BRD4: variants seen among roughly 807,000 people sequenced by gnomAD.
BRD4 encodes bromodomain containing 4, also known as bromodomain-containing protein 4.
BRD4 carries 16 observed loss-of-function variants against 142.1 expected under a neutral mutation model. The observed-to-expected ratio is 0.11, with a 90% CI of 0.08 to 0.17. BRD4 has a LOEUF of 0.17. Ranked by LOEUF, BRD4 falls within the 10% of genes least tolerant of loss-of-function variation. The pLI is 1.00. For missense variants in BRD4, 1,424 were observed against 1,810.9 expected, an observed-to-expected ratio of 0.79 and a Z score of 3.88; for synonymous variants, 833 against 707.5, an observed-to-expected ratio of 1.18 and a Z score of -2.82.
chr19:15,298,897 A>AATTTCCT (rs1568403104), intron 1 of BRD4, among the ~76,000 whole-genome samples: 2 of 152,172 alleles, frequency 1.3e-5, no homozygotes, highest in African/African-American at 2.4e-5. Flanking sequence ...AGCCCAGGAT[A>AATTTCCT]ATTTCCTAGG....
intron 1 of BRD4, among the ~76,000 whole-genome samples, chr19:15,306,431 GCTA>G (rs1324408732): frequency 3.3e-5 from 5 of 152,020 alleles, no homozygotes; most frequent in Non-Finnish European, 7.4e-5. Context: ...ACCATGCCTG[GCTA>G]CTTTTTCCAT....
In BRD4 at chr19:15,263,488, T is replaced by C; in HGVS notation, c.1273A>G (p.Met425Val). 1 of 1,614,106 alleles carries C rather than the reference T, an allele frequency of 6.2e-7. No individual in the cohort carries two copies. Among genetic ancestry groups the C allele is most frequent in the Non-Finnish European group, 8.5e-7 (1 of 1,180,024 alleles). The change falls in exon 7 of 20, where the codon ATG (methionine) becomes GTG (valine). Residue 425 changes from methionine (M) to valine (V), a missense_variant. Met to Val is a conservative substitution (Grantham distance 21). This residue lies in a region of BRD4 where 22 missense variants were observed against 49.5 expected (regional missense o/e 0.44). Transcript: ENST00000679869. ...TTGTACTTATAGCAGTTGGAGAACA[T>C]CAATCGGACGTCAGCACCAAACTCC... ...AQEFGADVRL[M>V]FSNCYKYNPP...
chr19:15,324,113 A>G lies in BRD4; in HGVS notation c.-35+8177T>C, dbSNP rs564351130. The stretch of plus-strand genomic sequence containing the variant: ...TCTCTCTCCTCTCCTGCTCTGGTAC[A>G]CGGCTCCACCCAAGCCCAACCAATG... On this transcript the variant is annotated intron_variant, in intron 1 of 19. Coordinates refer to ENST00000679869, the MANE Select transcript of BRD4 (RefSeq NM_001379291.1). 1.8e-4 allele frequency among the ~76,000 whole-genome samples: 27 copies of G among 152,130 alleles called. No individual in the cohort carries two copies. The South Asian group carries it at 3.9e-3, about 22-fold the overall frequency.
chr19:15,246,283 G>C (rs1251131280), intron 11 of BRD4, among the ~76,000 whole-genome samples: 1 of 152,164 alleles, frequency 6.6e-6, no homozygotes, highest in Non-Finnish European at 1.5e-5. Flanking sequence ...TGTGGTGGTG[G>C]GGGGAGGAGC....
chr19:15,278,131 A>G (rs1204628204), intron 1 of BRD4, among the ~76,000 whole-genome samples: 55 of 149,714 alleles, frequency 3.7e-4, no homozygotes, highest in Non-Finnish European at 6.4e-4. Context: ...AAAAAAAAAA[A>G]AAAAAAAAAT....
intron 1 of BRD4, among the ~76,000 whole-genome samples, chr19:15,312,819 C>T (rs1299685024): frequency 6.6e-6 from 1 of 151,996 alleles, no homozygotes; most frequent in Admixed American, 6.6e-5. Context: ...CCTGTAATTC[C>T]AGCTACCCCA....
chr19:15,236,021 G>A lies in BRD4; in HGVS notation c.*2356C>T, dbSNP rs1175062530. 6.6e-6 allele frequency: 1 copy of A among 152,276 alleles called. No individual in the cohort carries two copies. Among genetic ancestry groups the A allele is most frequent in the Admixed American group, 6.5e-5 (1 of 15,282 alleles). 9.4% of individuals were successfully genotyped at this position (152,276 alleles called of 1,614,324 possible). A position where few individuals can be genotyped will look rare whatever the true frequency, so the allele number is the denominator to read the frequency against. ...AATACGTCACACTTGAAGTGGCACAGTGGTATATGAGAAAGTGCCTGAGTG... is the reference window on the plus strand; with the variant it reads ...AATACGTCACACTTGAAGTGGCACAATGGTATATGAGAAAGTGCCTGAGTG... On this transcript the variant is annotated 3_prime_UTR_variant, in exon 20 of 20. Coordinates refer to ENST00000679869, the MANE Select transcript of BRD4 (RefSeq NM_001379291.1).
intron 1 of BRD4, among the ~76,000 whole-genome samples, chr19:15,323,885 C>A (rs1052398529): frequency 6.6e-5 from 10 of 152,232 alleles, no homozygotes; most frequent in African/African-American, 2.4e-4. Context: ...CCATCTTTCT[C>A]AACAGTCCCA....
intron 1 of BRD4, among the ~76,000 whole-genome samples, chr19:15,306,781 T>G (rs745524148): frequency 9.9e-5 from 15 of 152,114 alleles, no homozygotes; most frequent in Non-Finnish European, 1.5e-5. Context: ...TTCACCTTCT[T>G]AGATGGACAT....
chr19:15,319,724 G>A (rs1478360985), intron 1 of BRD4, among the ~76,000 whole-genome samples: 1 of 152,100 alleles, frequency 6.6e-6, no homozygotes, highest in East Asian at 1.9e-4. Context: ...TTAAGCCCAG[G>A]ACTCCAGACC....
intron 1 of BRD4, among the ~76,000 whole-genome samples, chr19:15,275,057 C>A (rs1228629464): frequency 6.6e-6 from 1 of 151,914 alleles, no homozygotes; most frequent in Non-Finnish European, 1.5e-5. Context: ...TGGGGTTTCA[C>A]CATGTTGGCC....
intron 7 of BRD4, among the ~76,000 whole-genome samples, chr19:15,261,355 C>T (rs1019187448): frequency 2.0e-5 from 3 of 152,010 alleles, no homozygotes; most frequent in Non-Finnish European, 4.4e-5. Flanking sequence ...TGGTGGCGTG[C>T]GCCTGTAATC....
At chr19:15,276,090 T>A (rs1178733118) in intron 1 of BRD4, among the ~76,000 whole-genome samples, 1 of 152,228 alleles carries the variant, frequency 6.6e-6, no homozygotes, top group African/African-American at 2.4e-5. Context: ...ACTCTGGGCC[T>A]GTGCAGCACC....
chr19:15,243,560 T>C (rs2047258436), intron 13 of BRD4, 73 bp from the exon 14 acceptor site: 1 of 1,460,142 alleles, frequency 6.8e-7, no homozygotes, highest in Non-Finnish European at 9.0e-7. Context: ...TGCTCCATCC[T>C]GACCTCATCT....
intron 1 of BRD4, among the ~76,000 whole-genome samples, chr19:15,309,772 G>A (rs574472243): frequency 3.3e-5 from 5 of 152,286 alleles, no homozygotes; most frequent in South Asian, 2.1e-4. Context: ...GGAGCAAACC[G>A]GGTAGTGTGG....
chr19:15,331,256 G>C (rs1050783542), intron 1 of BRD4, among the ~76,000 whole-genome samples: 2 of 152,200 alleles, frequency 1.3e-5, no homozygotes, highest in Admixed American at 1.3e-4. Flanking sequence ...TATTTACACC[G>C]TCCACTACAA....
At position 15,239,559 on chromosome 19, in the gene BRD4, C is replaced by G. The variant is rs1201182358; in HGVS notation, c.3446-37G>C. ...ACAGCCGGTGGGCCCTGGCCCACCT[C>G]ACCCCAGTGGGGCATGGTCCACCAG... is the stretch of plus-strand genomic sequence containing the variant. On this transcript the variant is annotated intron_variant, in intron 16 of 19. Transcript: ENST00000679869. The surrounding 1 kb of genome is among the most constrained non-coding windows in gnomAD (Gnocchi z 7.4). 6.3e-7 allele frequency: 1 copy of G among 1,588,564 alleles called. No homozygotes were observed. Among genetic ancestry groups the G allele is most frequent in the African/African-American group, 1.4e-5 (1 of 74,002 alleles).
chr19:15,277,632 A>G (rs2047661765), intron 1 of BRD4, among the ~76,000 whole-genome samples: 1 of 151,120 alleles, frequency 6.6e-6, no homozygotes, highest in Admixed American at 6.6e-5. Context: ...AAAAAAAAAA[A>G]AAAAAAAAGT....
intron 1 of BRD4, among the ~76,000 whole-genome samples, chr19:15,324,986 G>A (rs746168081): frequency 2.0e-5 from 3 of 152,214 alleles, no homozygotes; most frequent in Non-Finnish European, 4.4e-5. Flanking sequence ...GTGGGCTGTA[G>A]TGTCACCCAG....
Sources: gnomAD v4.1 joint callset for allele counts (sites outside exome capture counted in the v4.1 genomes callset) on GRCh38, gnomAD v4.1.1 for gene constraint, gnomAD v4.1.1 regional missense constraint, Gnocchi (gnomAD v3.1) non-coding constraint, MANE v1.5 for transcripts, NCBI Gene and HGNC (gene_info 2026-07-23, HGNC 2026-07-21) for gene names.